EPB41L4B: variants seen among roughly 807,000 people sequenced by gnomAD.
EPB41L4B encodes the protein erythrocyte membrane protein band 4.1 like 4B, also known as band 4.1-like protein 4B.
A neutral mutation model predicts 112.5 loss-of-function variants in EPB41L4B; 30 were observed. The observed-to-expected ratio is 0.27, with a 90% confidence interval of 0.20 to 0.36. EPB41L4B has a LOEUF of 0.36. Among genes scored for constraint, EPB41L4B ranks in the 10% least tolerant of loss-of-function variants. The probability of loss-of-function intolerance (pLI) is 1.00; values close to 1 mark genes in which losing one functional copy is unlikely to be tolerated. For missense variants in EPB41L4B, 1,024 were observed against 1,133.3 expected (o/e 0.90, Z 1.38); for synonymous variants, 408 against 439.7 (o/e 0.93, Z 0.90).
At chr9:109,175,468 AACACACACACACAC>A (rs59210551) in intron 25 of EPB41L4B, among the ~76,000 whole-genome samples, 18 of 129,406 alleles carry the variant, frequency 1.4e-4, no homozygotes, top group South Asian at 1.1e-3. Context: ...CCACTGTTTA[AACACACACACACAC>A]ACACACACAC....
chr9:109,180,355 G>A (rs925084946), intron 24 of EPB41L4B, among the ~76,000 whole-genome samples: 4 of 152,252 alleles, frequency 2.6e-5, no homozygotes, highest in African/African-American at 9.6e-5. Context: ...CTGGGCAGAA[G>A]GCCAGAGTGC....
intron 13 of EPB41L4B, among the ~76,000 whole-genome samples, chr9:109,249,747 G>C (rs1300735865): frequency 6.6e-6 from 1 of 152,092 alleles, no homozygotes; most frequent in African/African-American, 2.4e-5. Context: ...CCTAAAAATG[G>C]GGTGAATCTA....
At chr9:109,305,761 A>G (rs1168496130) in intron 1 of EPB41L4B, among the ~76,000 whole-genome samples, 5 of 152,068 alleles carry the variant, frequency 3.3e-5, no homozygotes, top group African/African-American at 1.2e-4. Context: ...CGTCTTTACT[A>G]AAAATACAAA....
At chr9:109,240,666 A>G in intron 15 of EPB41L4B, 1 of 985,454 alleles carries the variant, frequency 1.0e-6, no homozygotes, top group Non-Finnish European at 1.2e-6. Context: ...TAGGGCAACA[A>G]CCATCTCATC....
intron 4 of EPB41L4B, among the ~76,000 whole-genome samples, chr9:109,267,190 A>C (rs1374087012): frequency 6.6e-6 from 1 of 152,234 alleles, no homozygotes; most frequent in Non-Finnish European, 1.5e-5. Context: ...TTGAGATAAA[A>C]ATAAAACGCC....
At chr9:109,311,385 G>A (rs149204875) in intron 1 of EPB41L4B, among the ~76,000 whole-genome samples, 15 of 152,228 alleles carry the variant, frequency 9.9e-5, no homozygotes, top group African/African-American at 1.7e-4. Flanking sequence ...ACAGAGCTGA[G>A]GGATGCCAGC....
intron 11 of EPB41L4B, among the ~76,000 whole-genome samples, chr9:109,254,075 A>C (rs1200392907): frequency 6.6e-6 from 1 of 152,198 alleles, no homozygotes; most frequent in East Asian, 1.9e-4. Flanking sequence ...CAACTGCTTC[A>C]TTCCAGTTGC....
intron 4 of EPB41L4B, among the ~76,000 whole-genome samples, chr9:109,266,377 A>T (rs75188678): frequency 1.3e-5 from 2 of 150,666 alleles, no homozygotes; most frequent in East Asian, 3.9e-4. Flanking sequence ...CCTTGTCTCC[A>T]AAAAAAAAGC....
intron 15 of EPB41L4B, among the ~76,000 whole-genome samples, chr9:109,228,435 T>G (rs144845802): frequency 6.6e-6 from 1 of 152,200 alleles, no homozygotes; most frequent in Non-Finnish European, 1.5e-5. Context: ...TTCAAAGGTA[T>G]TGATGCTGAC....
At chr9:109,313,078 C>CA (rs1338745830) in intron 1 of EPB41L4B, among the ~76,000 whole-genome samples, 1 of 151,148 alleles carries the variant, frequency 6.6e-6, no homozygotes, top group Admixed American at 6.6e-5. Flanking sequence ...CCAATGTTAC[C>CA]AAAAAAAGAA....
chr9:109,225,435 T>C (rs1362768054), intron 15 of EPB41L4B, among the ~76,000 whole-genome samples: 1 of 152,162 alleles, frequency 6.6e-6, no homozygotes, highest in African/African-American at 2.4e-5. Context: ...CTCATAATCA[T>C]AGTGGAAGGT....
chr9:109,262,449 G>GTGT (rs1564302872), intron 6 of EPB41L4B, among the ~76,000 whole-genome samples: 1 of 45,346 alleles, frequency 2.2e-5, no homozygotes, highest in Non-Finnish European at 4.4e-5. Context: ...TGGTGTGTGT[G>GTGT]GGGGTGTGTG....
chr9:109,312,679 T>A (rs1293939144), intron 1 of EPB41L4B, among the ~76,000 whole-genome samples: 1 of 152,124 alleles, frequency 6.6e-6, no homozygotes, highest in African/African-American at 2.4e-5. Flanking sequence ...TCAACACAGT[T>A]TTTGTGAGGA....
At chr9:109,207,845 C>T in intron 18 of EPB41L4B, 79 bp downstream of exon 18, 1 of 1,576,790 alleles carries the variant, frequency 6.3e-7, no homozygotes, top group Non-Finnish European at 8.7e-7. Context: ...CATCTCAGTC[C>T]TACGGTGCCT....
chr9:109,274,962 G>T (rs991514680), intron 2 of EPB41L4B, among the ~76,000 whole-genome samples: 5 of 152,204 alleles, frequency 3.3e-5, no homozygotes, highest in Admixed American at 6.5e-5. Context: ...GACAGTGCAG[G>T]CCTGAGCCCT....
chr9:109,320,159 T>C lies in EPB41L4B; in HGVS notation c.288A>G (p.Glu96=). The C allele has an allele frequency of 6.8e-7, 1 of 1,480,158 alleles. No homozygotes were observed. 91.7% of individuals were successfully genotyped at this position (1,480,158 alleles called of 1,614,324 possible). A position where few individuals can be genotyped will look rare whatever the true frequency, so the allele number is the denominator to read the frequency against. ...YCRVFLLDGT[E]VSVDLPKHAK... ...CACTCACCGGCAGGTCCACGCTCACTTCGGTCCCGTCGAGCAGGAAGACGC... is the reference window on the plus strand; with the variant it reads ...CACTCACCGGCAGGTCCACGCTCACCTCGGTCCCGTCGAGCAGGAAGACGC... The change falls in exon 1 of 26, where the codon GAA becomes GAG. Residue 96 remains glutamate (E), a synonymous_variant. Coordinates refer to ENST00000374566, the MANE Select transcript of EPB41L4B (RefSeq NM_019114.5).
At chr9:109,241,260 A>T in intron 15 of EPB41L4B, 1 of 995,542 alleles carries the variant, frequency 1.0e-6, no homozygotes, top group Non-Finnish European at 1.2e-6. Flanking sequence ...AGGCCACACT[A>T]GGGAAACTGG....
At chr9:109,297,308 G>A (rs764948837) in intron 1 of EPB41L4B, among the ~76,000 whole-genome samples, 1 of 152,094 alleles carries the variant, frequency 6.6e-6, no homozygotes, top group Non-Finnish European at 1.5e-5. Flanking sequence ...TAAATTGCTT[G>A]CTGTTGTTTA....
At chr9:109,195,940 T>C (rs1832625555) in intron 20 of EPB41L4B, among the ~76,000 whole-genome samples, 1 of 152,094 alleles carries the variant, frequency 6.6e-6, no homozygotes, top group South Asian at 2.1e-4. Flanking sequence ...CTAAGGTAAA[T>C]TCATGATAAA....
Sources: allele counts gnomAD v4.1 joint callset (sites outside exome capture counted in the v4.1 genomes callset), GRCh38; gene constraint gnomAD v4.1.1; transcripts MANE v1.5; gene names NCBI Gene and HGNC (gene_info 2026-07-23, HGNC 2026-07-21).